The following ACTR10 variants were observed in gnomAD, a reference collection of about 807,000 sequenced individuals.
ACTR10 encodes the protein actin related protein 10, also known as actin-related protein 10.
ACTR10 carries 43 observed loss-of-function variants against 56.2 expected under a neutral mutation model. That is an observed-to-expected ratio of 0.77 (90% CI 0.60 to 0.99). The LOEUF is 0.99. Ranked by LOEUF, ACTR10 falls within the 50% of genes least tolerant of loss-of-function variation. The pLI is 0.00. For synonymous variants in ACTR10, 170 were observed against 176.3 expected, an observed-to-expected ratio of 0.96 and a Z score of 0.28; for missense variants, 466 against 507.8, an observed-to-expected ratio of 0.92 and a Z score of 0.79.
chr14:58,217,559 G>T (rs552872911), intron 7 of ACTR10, among the ~76,000 whole-genome samples: 1 of 151,786 alleles, frequency 6.6e-6, no homozygotes, highest in Non-Finnish European at 1.5e-5. Flanking sequence ...CCAGCTACTC[G>T]GGAGGCTGAG....
intron 2 of ACTR10, among the ~76,000 whole-genome samples, chr14:58,205,314 CTTTT>C (rs35929902): frequency 4.6e-5 from 6 of 129,618 alleles, no homozygotes; most frequent in African/African-American, 8.7e-5. Flanking sequence ...CATCAGAAAT[CTTTT>C]TTTTTTTTTT....
chr14:58,209,172 T>C, intron 4 of ACTR10, 65 bp downstream of exon 4: 1 of 1,177,228 alleles, frequency 8.5e-7, no homozygotes, highest in South Asian at 1.4e-5. Flanking sequence ...ATAAAATTCT[T>C]ACCAATTTTT....
chr14:58,227,081 A>G (rs1889421956), intron 10 of ACTR10, among the ~76,000 whole-genome samples: 1 of 152,184 alleles, frequency 6.6e-6, no homozygotes, highest in Non-Finnish European at 1.5e-5. Context: ...TGTTTTTCCA[A>G]GACCTTTTAT....
At position 58,213,780 on chromosome 14, in the gene ACTR10, T is replaced by C. The variant is rs549843916; in HGVS notation, c.518+82T>C. 21 of 1,038,566 alleles carry C rather than the reference T, an allele frequency of 2.0e-5. No individual in the cohort carries two copies. The Admixed American group carries it at 2.1e-4, about 10-fold the overall frequency. The allele number at this position is 1,038,566 out of a possible 1,614,324, so 64.3% of individuals were successfully genotyped here. ...AATCTGTTTGTTGATCAGTGATCAA[T>C]AGAGGGCTTGTGATACGGACAGTGA... On this transcript the variant is annotated intron_variant, in intron 6 of 12. Coordinates refer to ENST00000254286, the MANE Select transcript of ACTR10 (RefSeq NM_018477.3).
chr14:58,214,384 A>G (rs532457522), intron 6 of ACTR10, among the ~76,000 whole-genome samples: 14 of 151,940 alleles, frequency 9.2e-5, no homozygotes, highest in Non-Finnish European at 1.9e-4. Flanking sequence ...TCCATTGTGT[A>G]TATGTACCAC....
chr14:58,228,137 G>A (rs777442534), intron 10 of ACTR10, among the ~76,000 whole-genome samples: 4 of 152,116 alleles, frequency 2.6e-5, no homozygotes, highest in Non-Finnish European at 5.9e-5. Context: ...AAGTTCAGAG[G>A]TAGATCATCC....
At chr14:58,218,554 TATA>T (rs1034257070) in intron 7 of ACTR10, among the ~76,000 whole-genome samples, 1 of 152,070 alleles carries the variant, frequency 6.6e-6, no homozygotes, top group African/African-American at 2.4e-5. Context: ...TCTTTTGCAA[TATA>T]ATTAAATATT....
intron 12 of ACTR10, among the ~76,000 whole-genome samples, chr14:58,233,534 T>G (rs1319180855): frequency 6.6e-6 from 1 of 152,250 alleles, no homozygotes; most frequent in East Asian, 1.9e-4. Context: ...GGGCTGTTTA[T>G]GTGTTAATCG....
Position 58,207,942 on chromosome 14 carries a change from A to G in ACTR10, c.157A>G (p.Arg53Gly). 2 of 1,455,934 alleles carry G rather than the reference A, an allele frequency of 1.4e-6. No individual in the cohort carries two copies. Among genetic ancestry groups the G allele is most frequent in the Non-Finnish European group, 9.1e-7 (1 of 1,103,698 alleles). 90.2% of individuals were successfully genotyped at this position (1,455,934 alleles called of 1,614,324 possible). Residue 53 changes from arginine to glycine, a missense_variant, in exon 3 of 13, where the codon AGA (arginine) becomes GGA (glycine). By Grantham distance (125) the Arg-to-Gly change is moderately radical (BLOSUM62 -2). Transcript: ENST00000254286. ...IKRAGMPKPV[R>G]VVQYNINTEE... ...TCATTTTAATTTTTTACAGCCTGTC[A>G]GAGTTGTTCAGTATAATATCAATAC...
intron 3 of ACTR10, 24 bp from the exon 4 acceptor site, chr14:58,208,975 A>T (rs113113758): frequency 8.4e-6 from 13 of 1,547,376 alleles, no homozygotes; most frequent in African/African-American, 6.9e-5. Flanking sequence ...TTTTACTTTT[A>T]AAACCAAAAC....
Position 58,215,266 on chromosome 14 carries a change from A to G in ACTR10, c.580A>G (p.Ser194Gly). The change falls in exon 7 of 13, where the codon AGC becomes GGC. Residue 194 changes from serine to glycine, a missense_variant. Coordinates refer to ENST00000254286, the MANE Select transcript of ACTR10 (RefSeq NM_018477.3). ...TVDTSVAKEQ[S>G]LPSVMGSVPE... ...TGACACAAGTGTTGCTAAAGAACAG[A>G]GCCTTCCCTCAGTGATGGGTAAATT... 6.2e-7 allele frequency: 1 copy of G among 1,610,694 alleles called. No homozygotes were observed. Among genetic ancestry groups the G allele is most frequent in the Non-Finnish European group, 8.5e-7 (1 of 1,177,814 alleles).
At chr14:58,204,400 A>G (rs1010194545) in intron 2 of ACTR10, among the ~76,000 whole-genome samples, 4 of 151,840 alleles carry the variant, frequency 2.6e-5, no homozygotes, top group African/African-American at 9.7e-5. Context: ...ATAAAATAAA[A>G]TAAAATCGTG....
chr14:58,211,665 T>C (rs546065151), intron 5 of ACTR10, among the ~76,000 whole-genome samples: 3 of 152,142 alleles, frequency 2.0e-5, no homozygotes, highest in Non-Finnish European at 4.4e-5. Context: ...TCAGGATGTG[T>C]CAAGTTGACT....
chr14:58,227,678 C>G (rs1232420416), intron 10 of ACTR10, among the ~76,000 whole-genome samples: 1 of 152,218 alleles, frequency 6.6e-6, no homozygotes, highest in Admixed American at 6.5e-5. Flanking sequence ...GTTCAGCATA[C>G]TGCAGGCCTC....
rs145464377 is a variant in ACTR10 at position 58,211,400 on chromosome 14, A to G, written c.450+1A>G. 151 of 1,608,490 alleles carry G rather than the reference A, an allele frequency of 9.4e-5. 1 individual carries two copies. Among genetic ancestry groups the G allele is most frequent in the Non-Finnish European group, 1.1e-4 (134 of 1,176,326 alleles). ...ATATAGGGAAAGCCTGGTGTTACCC[A>G]TATCTTTTTTGTCAGCCAGCCACCT... On this transcript the variant is annotated splice_donor_variant, in intron 5 of 12. Coordinates refer to ENST00000254286, the MANE Select transcript of ACTR10 (RefSeq NM_018477.3). LOFTEE classifies it high-confidence loss of function.
chr14:58,234,584 CA>C lies in ACTR10; in HGVS notation c.*36del, dbSNP rs561140241. The C allele has an allele frequency of 1.3e-4, 206 of 1,581,802 alleles. No homozygotes were observed. Among genetic ancestry groups the C allele is most frequent in the Non-Finnish European group, 1.7e-4 (193 of 1,159,990 alleles). On this transcript the variant is annotated 3_prime_UTR_variant, in exon 13 of 13. Transcript: ENST00000254286. ...ATTAAAAATCAACCTTGCTTCATAT[CA>C]AATATTTAACCAATTATAAGCAAAT...
At chr14:58,221,732 C>T (rs960588978) in intron 8 of ACTR10, among the ~76,000 whole-genome samples, 2 of 151,880 alleles carry the variant, frequency 1.3e-5, no homozygotes, top group Admixed American at 1.3e-4. Context: ...CAGAGTGAAA[C>T]TCTGTCTCAA....
At position 58,232,193 on chromosome 14, in the gene ACTR10, A is replaced by G. The variant is rs780226446; in HGVS notation, c.998A>G (p.Lys333Arg). Residue 333 changes from lysine (K) to arginine (R), a missense_variant, in exon 12 of 13, where the codon AAA becomes AGA. Transcript: ENST00000254286. ...IRYLVEKPKY[K>R]KALGTKTFRI... ...TATTTGGTAGAAAAACCAAAATATAAAAAAGCACTTGGCACTAAGACATTT... is the reference window on the plus strand; with the variant it reads ...TATTTGGTAGAAAAACCAAAATATAGAAAAGCACTTGGCACTAAGACATTT... The G allele has an allele frequency of 2.5e-6, 4 of 1,613,818 alleles. No individual in the cohort carries two copies. Among genetic ancestry groups the G allele is most frequent in the Non-Finnish European group, 3.4e-6 (4 of 1,179,970 alleles).
intron 10 of ACTR10, among the ~76,000 whole-genome samples, chr14:58,229,364 C>G (rs1165581375): frequency 6.6e-6 from 1 of 152,096 alleles, no homozygotes. Context: ...TAACACTATT[C>G]TATACTGAAA....
Sources: allele counts gnomAD v4.1 joint callset (sites outside exome capture counted in the v4.1 genomes callset), GRCh38; gene constraint gnomAD v4.1.1; transcripts MANE v1.5; gene names NCBI Gene and HGNC (gene_info 2026-07-23, HGNC 2026-07-21).